The following KLHL12 variants were observed in gnomAD, a reference collection of about 807,000 sequenced individuals.
KLHL12 encodes kelch like family member 12.
In KLHL12, 17 loss-of-function variants were observed where a neutral mutation model predicts 60.8. The ratio of observed to expected loss-of-function variants is 0.28; its 90% CI spans 0.19 to 0.42. The LOEUF (loss-of-function observed/expected upper bound fraction) is 0.42, where lower values mean the gene tolerates loss of function less well. Among genes scored for constraint, KLHL12 ranks in the 10% least tolerant of loss-of-function variants. The probability of loss-of-function intolerance (pLI) is 1.00; values close to 1 mark genes in which losing one functional copy is unlikely to be tolerated. For synonymous variants in KLHL12, 220 were observed against 250.9 expected, an observed-to-expected ratio of 0.88 and a Z score of 1.16; for missense variants, 468 against 722.3, an observed-to-expected ratio of 0.65 and a Z score of 4.04.
intron 6 of KLHL12, among the ~76,000 whole-genome samples, chr1:202,897,620 C>T (rs1241576661): frequency 6.6e-6 from 1 of 152,054 alleles, no homozygotes; most frequent in East Asian, 1.9e-4. Context: ...TGCACTTAGC[C>T]TGAAAAACTC....
intron 2 of KLHL12, among the ~76,000 whole-genome samples, chr1:202,923,542 A>C (rs1272627172): frequency 6.6e-6 from 1 of 152,230 alleles, no homozygotes; most frequent in African/African-American, 2.4e-5. Flanking sequence ...AGATTGTAGT[A>C]TATAAAATTC....
chr1:202,896,730 A>T, intron 7 of KLHL12, 124 bp downstream of exon 7: 1 of 765,228 alleles, frequency 1.3e-6, no homozygotes, highest in South Asian at 1.5e-5. Flanking sequence ...TATGCACAAG[A>T]CTGTTGTAAG....
intron 3 of KLHL12, among the ~76,000 whole-genome samples, chr1:202,918,712 C>T (rs1388444572): frequency 6.6e-6 from 1 of 152,070 alleles, no homozygotes; most frequent in Non-Finnish European, 1.5e-5. Flanking sequence ...AAACCAATTG[C>T]GAATTCAGCA....
chr1:202,919,069 G>A (rs1475211344), intron 3 of KLHL12, among the ~76,000 whole-genome samples: 2 of 152,194 alleles, frequency 1.3e-5, no homozygotes, highest in African/African-American at 4.8e-5. Flanking sequence ...GAGCAACATA[G>A]AGAGAACTCA....
At chr1:202,923,132 T>G (rs1660748786) in intron 2 of KLHL12, among the ~76,000 whole-genome samples, 1 of 152,206 alleles carries the variant, frequency 6.6e-6, no homozygotes, top group Non-Finnish European at 1.5e-5. Flanking sequence ...CCATCTAGCA[T>G]TTCCTTGCCT....
At chr1:202,922,721 C>T (rs964294801) in intron 2 of KLHL12, among the ~76,000 whole-genome samples, 4 of 152,044 alleles carry the variant, frequency 2.6e-5, no homozygotes, top group South Asian at 4.2e-4. Context: ...CTCCTGACCT[C>T]GTGATCCACC....
Position 202,895,394 on chromosome 1 carries a change from AAAT to A in KLHL12, c.1135+125_1135+127del. ...GGGCAACAGAGAGAGACCCTGTCTC[AAAT>A]AATAATAACATTTGACCTTAATTTT... On this transcript the variant is annotated intron_variant, in intron 8 of 11. Coordinates refer to ENST00000367261, the MANE Select transcript of KLHL12 (RefSeq NM_021633.4). This position sits in a 1 kb window ranked among gnomAD's most constrained non-coding sequence, Gnocchi z 4.2. The A allele has an allele frequency of 1.2e-6, 1 of 812,148 alleles. No homozygotes were observed. Among genetic ancestry groups the A allele is most frequent in the South Asian group, 1.8e-5 (1 of 55,264 alleles). The allele number at this position is 812,148 out of a possible 1,614,324, so 50.3% of individuals were successfully genotyped here. A position where few individuals can be genotyped will look rare whatever the true frequency, so the allele number is the denominator to read the frequency against.
intron 2 of KLHL12, 31 bp downstream of exon 2, chr1:202,924,937 T>G (rs1653451780): frequency 6.3e-7 from 1 of 1,596,530 alleles, no homozygotes; most frequent in African/African-American, 1.3e-5. Flanking sequence ...TTCCACGGGT[T>G]TCATTTGTGT....
At chr1:202,916,357 A>G (rs1250844039) in intron 4 of KLHL12, among the ~76,000 whole-genome samples, 1 of 152,254 alleles carries the variant, frequency 6.6e-6, no homozygotes, top group Non-Finnish European at 1.5e-5. Flanking sequence ...AAAATTTGAT[A>G]AGAAATATAC....
intron 6 of KLHL12, among the ~76,000 whole-genome samples, chr1:202,903,033 C>T (rs900601853): frequency 1.3e-4 from 19 of 150,938 alleles, no homozygotes; most frequent in South Asian, 2.1e-4. Flanking sequence ...TGGTGGCATA[C>T]GCCTGTAGTC....
At chr1:202,906,882 G>A (rs149715559) in intron 6 of KLHL12, among the ~76,000 whole-genome samples, 286 of 152,160 alleles carry the variant, frequency 1.9e-3, no homozygotes, top group African/African-American at 6.3e-3. Context: ...GGCTGGTCTC[G>A]AACTACTGAC....
chr1:202,905,770 G>C (rs1025155300), intron 6 of KLHL12, among the ~76,000 whole-genome samples: 1 of 152,004 alleles, frequency 6.6e-6, no homozygotes. Context: ...AGATCTTGGA[G>C]CATTTTGAAT....
intron 2 of KLHL12, 151 bp downstream of exon 2, chr1:202,924,817 G>T: frequency 1.3e-6 from 1 of 791,312 alleles, no homozygotes; most frequent in Non-Finnish European, 2.0e-6. Context: ...CTAAGGCATA[G>T]TCATCTAAGT....
Position 202,925,172 on chromosome 1 carries a change from C to T in KLHL12, c.-10G>A, listed in dbSNP as rs753313109. 1.2e-5 allele frequency: 19 copies of T among 1,613,138 alleles called. No individual in the cohort carries two copies. The highest frequency in any genetic ancestry group is 1.7e-5 in the Admixed American group (1 of 59,928). On this transcript the variant is annotated 5_prime_UTR_variant, in exon 2 of 12. Transcript: ENST00000367261. ...CCATAATGCCTCCCATAAAGCAGTG[C>T]GGAGAAAGAACAAAATGGGTCCTTG...
At chr1:202,914,357 T>C (rs1391668833) in intron 4 of KLHL12, among the ~76,000 whole-genome samples, 2 of 152,168 alleles carry the variant, frequency 1.3e-5, no homozygotes, top group Non-Finnish European at 1.5e-5. Flanking sequence ...GGAGAAATAC[T>C]TGGGAAGTTA....
intron 4 of KLHL12, among the ~76,000 whole-genome samples, chr1:202,913,599 T>G (rs953802468): frequency 2.0e-5 from 3 of 152,112 alleles, no homozygotes; most frequent in African/African-American, 7.2e-5. Context: ...ATGAACAATC[T>G]CACTATTATT....
Position 202,920,464 on chromosome 1 carries a change from C to T in KLHL12, c.196-556G>A, listed in dbSNP as rs185790901. The stretch of plus-strand genomic sequence containing the variant: ...CCATCTCGGCTCACTGCAAGCTCCA[C>T]CTCCTGGGTTCATGCCATTCTCCTG... On this transcript the variant is annotated intron_variant, in intron 2 of 11. Coordinates refer to ENST00000367261, the MANE Select transcript of KLHL12 (RefSeq NM_021633.4). 2.2e-5 allele frequency among the ~76,000 whole-genome samples: 3 copies of T among 136,316 alleles called. No homozygotes were observed. In the Admixed American group the frequency reaches 2.5e-4, roughly 11 times the overall value. The allele number at this position is 136,316 out of a possible 152,430, so 89.4% of individuals were successfully genotyped here.
Position 202,909,213 on chromosome 1 carries a change from G to C in KLHL12, c.718-89C>G. On this transcript the variant is annotated intron_variant, in intron 5 of 11. Coordinates refer to ENST00000367261, the MANE Select transcript of KLHL12 (RefSeq NM_021633.4). This position sits in a 1 kb window ranked among gnomAD's most constrained non-coding sequence, Gnocchi z 4.1. ...GAGCACATGCAAATAATTAACTTCT[G>C]ACTACAGAAAACCAGTTTGCAAAGC... 1.2e-6 allele frequency: 1 copy of C among 820,652 alleles called. No individual in the cohort carries two copies. Among genetic ancestry groups the C allele is most frequent in the Non-Finnish European group, 2.0e-6 (1 of 504,276 alleles). The allele number at this position is 820,652 out of a possible 1,614,324, so 50.8% of individuals were successfully genotyped here.
intron 4 of KLHL12, chr1:202,911,682 G>C (rs1660366461): frequency 1.9e-6 from 1 of 516,866 alleles, no homozygotes; most frequent in Non-Finnish European, 3.4e-6. Flanking sequence ...CCCTCAAACT[G>C]TTCACCCAAG....
Sources: gnomAD v4.1 joint callset for allele counts (sites outside exome capture counted in the v4.1 genomes callset) on GRCh38, gnomAD v4.1.1 for gene constraint, Gnocchi (gnomAD v3.1) non-coding constraint, MANE v1.5 for transcripts, NCBI Gene and HGNC (gene_info 2026-07-23, HGNC 2026-07-21) for gene names.